CSMD1: variants seen among roughly 807,000 people sequenced by gnomAD.
CSMD1 encodes the protein CUB and Sushi multiple domains 1, also known as CUB and sushi domain-containing protein 1.
A neutral mutation model predicts 417.5 loss-of-function variants in CSMD1; 213 were observed. The observed-to-expected ratio is 0.51, with a 90% CI of 0.46 to 0.57. The LOEUF (loss-of-function observed/expected upper bound fraction) is 0.57, where lower values mean the gene tolerates loss of function less well. Among genes scored for constraint, CSMD1 ranks in the 20% least tolerant of loss-of-function variants. The probability of loss-of-function intolerance (pLI) is 0.00; values close to 1 mark genes in which losing one functional copy is unlikely to be tolerated. For missense variants in CSMD1, 6,923 were observed against 4,529.7 expected, an observed-to-expected ratio of 1.53 and a Z score of -15.17; for synonymous variants, 2,862 against 1,736.8, an observed-to-expected ratio of 1.65 and a Z score of -16.11.
chr8:4,853,090 G>A (rs934235755), intron 1 of CSMD1, among the ~76,000 whole-genome samples: 2 of 152,206 alleles, frequency 1.3e-5, no homozygotes, highest in Non-Finnish European at 2.9e-5. Flanking sequence ...GCCTACCCAT[G>A]TGGTAGAAAA....
chr8:3,663,294 G>A (rs193097533), intron 7 of CSMD1, among the ~76,000 whole-genome samples: 2 of 152,276 alleles, frequency 1.3e-5, no homozygotes, highest in Admixed American at 1.3e-4. Context: ...GGGGTGGGAT[G>A]TGGGCAGTAG....
chr8:3,971,547 G>C (rs1248791599), intron 5 of CSMD1, among the ~76,000 whole-genome samples: 1 of 152,088 alleles, frequency 6.6e-6, no homozygotes, highest in African/African-American at 2.4e-5. Context: ...AGCAGTCAAA[G>C]TCAATGAAAA....
chr8:3,233,908 A>T (rs927630453), intron 26 of CSMD1, among the ~76,000 whole-genome samples: 1 of 152,096 alleles, frequency 6.6e-6, no homozygotes, highest in Non-Finnish European at 1.5e-5. Flanking sequence ...GATCCCAGGG[A>T]TGGTAGAAAT....
chr8:3,846,966 C>T (rs4875789), intron 5 of CSMD1, among the ~76,000 whole-genome samples: 35,827 of 152,080 alleles, frequency 0.24, 4,773 homozygotes, highest in Middle Eastern at 0.34. Flanking sequence ...TGAGCCACTG[C>T]GCCTGGCCCC....
At chr8:4,918,832 C>A (rs1468726438) in intron 1 of CSMD1, among the ~76,000 whole-genome samples, 1 of 152,064 alleles carries the variant, frequency 6.6e-6, no homozygotes, top group African/African-American at 2.4e-5. Flanking sequence ...TACATATATG[C>A]AGATATATAT....
rs535234592 is a variant in CSMD1 at position 4,960,133 on chromosome 8, T to G, written c.85+34199A>C. On this transcript the variant is annotated intron_variant, in intron 1 of 69. Coordinates refer to ENST00000635120, the MANE Select transcript of CSMD1 (RefSeq NM_033225.6). ...TTTAGGAGGGATATAATGTGCTCAT[T>G]ACTTCTGAAATGTACTAGACCCACA... is the stretch of plus-strand genomic sequence containing the variant. Among the ~76,000 whole-genome samples, 7 of 152,318 alleles carry G rather than the reference T, an allele frequency of 4.6e-5. No homozygotes were observed. In the East Asian group the frequency reaches 7.7e-4, roughly 17 times the overall value.
chr8:4,161,859 A>G (rs1278612338), intron 3 of CSMD1, among the ~76,000 whole-genome samples: 2 of 152,176 alleles, frequency 1.3e-5, no homozygotes, highest in Non-Finnish European at 2.9e-5. Context: ...TTTGCCATAG[A>G]ATTTAATTCT....
chr8:4,228,589 CTT>C (rs201365918), intron 3 of CSMD1, among the ~76,000 whole-genome samples: 7 of 138,356 alleles, frequency 5.1e-5, no homozygotes, highest in South Asian at 2.3e-4. Flanking sequence ...TCTGTCAGAT[CTT>C]TTTTTTTTTT....
At chr8:3,457,557 A>G (rs1215595236) in intron 12 of CSMD1, among the ~76,000 whole-genome samples, 5 of 152,206 alleles carry the variant, frequency 3.3e-5, no homozygotes, top group African/African-American at 1.2e-4. Context: ...AGGCAAGAGG[A>G]TATGTACGCG....
chr8:4,105,651 G>A (rs906557774), intron 3 of CSMD1, among the ~76,000 whole-genome samples: 7 of 152,192 alleles, frequency 4.6e-5, no homozygotes, highest in Non-Finnish European at 7.3e-5. Context: ...CAGGTGGAAC[G>A]TGGTTTCTGA....
At chr8:3,028,986 T>G (rs1048602031) in intron 51 of CSMD1, among the ~76,000 whole-genome samples, 3 of 152,172 alleles carry the variant, frequency 2.0e-5, no homozygotes, top group African/African-American at 4.8e-5. Context: ...AGATCCCAAT[T>G]AGAACTCTTG....
chr8:4,358,164 T>C (rs917537236), intron 3 of CSMD1, among the ~76,000 whole-genome samples: 8 of 152,256 alleles, frequency 5.3e-5, no homozygotes, highest in Non-Finnish European at 1.2e-4. Flanking sequence ...TGCAAAATTA[T>C]GATGACGTTC....
chr8:3,538,710 C>G (rs1012258234), intron 10 of CSMD1, among the ~76,000 whole-genome samples: 1 of 152,220 alleles, frequency 6.6e-6, no homozygotes, highest in Non-Finnish European at 1.5e-5. Context: ...CTTTGATTGC[C>G]CCTTTTCCGT....
At chr8:3,523,214 G>T (rs553286214) in intron 10 of CSMD1, among the ~76,000 whole-genome samples, 1 of 152,020 alleles carries the variant, frequency 6.6e-6, no homozygotes, top group African/African-American at 2.4e-5. Flanking sequence ...TAATTATCCC[G>T]CATGCTATGG....
At chr8:3,186,912 TG>T (rs1821796795) in intron 36 of CSMD1, among the ~76,000 whole-genome samples, 1 of 152,236 alleles carries the variant, frequency 6.6e-6, no homozygotes, top group African/African-American at 2.4e-5. Flanking sequence ...TGGCTACTTT[TG>T]GTAATTTTAG....
chr8:3,660,069 T>G (rs1186418129), intron 7 of CSMD1, among the ~76,000 whole-genome samples: 1 of 152,238 alleles, frequency 6.6e-6, no homozygotes. Context: ...CTATGAAGTA[T>G]AAAATAGAAA....
chr8:4,394,341 T>A (rs556826816), intron 3 of CSMD1, among the ~76,000 whole-genome samples: 1 of 152,340 alleles, frequency 6.6e-6, no homozygotes, highest in East Asian at 1.9e-4. Context: ...ATGTAGTTAT[T>A]CTCTTGGGTT....
intron 1 of CSMD1, among the ~76,000 whole-genome samples, chr8:4,772,812 A>G (rs1796665750): frequency 1.3e-5 from 2 of 152,190 alleles, no homozygotes; most frequent in African/African-American, 4.8e-5. Flanking sequence ...AATTTCGGAT[A>G]CTAACATTTC....
At chr8:4,455,959 A>AAAAAAAAAAAAAAAAAAAAG (rs1799447527) in intron 2 of CSMD1, among the ~76,000 whole-genome samples, 1 of 143,686 alleles carries the variant, frequency 7.0e-6, no homozygotes, top group Non-Finnish European at 1.5e-5. Context: ...AAAAAAAAAA[A>AAAAAAAAAAAAAAAAAAAAG]AAAATGCAGT....
Sources: gnomAD v4.1 joint callset for allele counts (sites outside exome capture counted in the v4.1 genomes callset) on GRCh38, gnomAD v4.1.1 for gene constraint, MANE v1.5 for transcripts, NCBI Gene and HGNC (gene_info 2026-07-23, HGNC 2026-07-21) for gene names.